KALRN: variants seen among roughly 807,000 people sequenced by gnomAD.
KALRN encodes the protein kalirin.
Under a neutral mutation model 353.7 loss-of-function variants are expected in KALRN, and 70 were observed. That is an observed-to-expected ratio of 0.20 (90% CI 0.16 to 0.24). The LOEUF is 0.24. Among genes scored for constraint, KALRN ranks in the 10% least tolerant of loss-of-function variants. The pLI is 1.00. For missense variants in KALRN, 2,791 were observed against 3,756.7 expected (o/e 0.74, Z 6.72); for synonymous variants, 1,391 against 1,434.8 (o/e 0.97, Z 0.69).
chr3:124,618,836 C>T (rs1229673271), intron 34 of KALRN, among the ~76,000 whole-genome samples: 1 of 152,166 alleles, frequency 6.6e-6, no homozygotes, highest in African/African-American at 2.4e-5. Flanking sequence ...AGATGACCCT[C>T]CTTGTTGTGC....
At chr3:124,487,892 G>T (rs969411743) in intron 28 of KALRN, among the ~76,000 whole-genome samples, 1 of 152,120 alleles carries the variant, frequency 6.6e-6, no homozygotes, top group African/African-American at 2.4e-5. Context: ...GCTTTGCCAG[G>T]GTAGTCCCTT....
Position 124,385,023 on chromosome 3 carries a change from C to T in KALRN, c.1949C>T (p.Thr650Ile), listed in dbSNP as rs141149712. The change falls in exon 11 of 60, where the codon ACA becomes ATA. Residue 650 changes from threonine to isoleucine, a missense_variant. Physicochemically the swap from Thr to Ile is moderately conservative, Grantham distance 89 (BLOSUM62 -1). This residue lies in a region of KALRN where 452 missense variants were observed against 575.8 expected (regional missense o/e 0.78). Coordinates refer to ENST00000682506, the MANE Select transcript of KALRN (RefSeq NM_001388419.1). ...CTGGACATGTCTGTTTCCTTCCACA[C>T]ACACACCAAAGAGGTAAGGGGAGCT... ...LLLDMSVSFH[T>I]HTKELWTWME... is the part of the protein sequence containing the mutation. The T allele has an allele frequency of 3.4e-4, 547 of 1,604,490 alleles. No homozygotes were observed. The highest frequency in any genetic ancestry group is 5.0e-4 in the Admixed American group (30 of 59,588).
At chr3:124,557,285 G>A (rs1043034931) in intron 33 of KALRN, among the ~76,000 whole-genome samples, 17 of 152,110 alleles carry the variant, frequency 1.1e-4, no homozygotes, top group Non-Finnish European at 2.9e-5. Context: ...TGATGTTATT[G>A]TTGTAAAATT....
chr3:124,358,664 T>C (rs2083682587), intron 10 of KALRN, among the ~76,000 whole-genome samples: 1 of 152,230 alleles, frequency 6.6e-6, no homozygotes, highest in Non-Finnish European at 1.5e-5. Context: ...TACTGAGTAC[T>C]TTCTGTGTGC....
intron 1 of KALRN, chr3:124,152,069 T>C: frequency 7.6e-7 from 1 of 1,322,988 alleles, no homozygotes. Flanking sequence ...AGAAGATAAT[T>C]TAAAGGGCCA....
chr3:124,640,339 T>TGCAGCG (rs542356149), intron 37 of KALRN, among the ~76,000 whole-genome samples: 83 of 144,732 alleles, frequency 5.7e-4, no homozygotes, highest in African/African-American at 2.0e-3. Context: ...CAGGCTGGAG[T>TGCAGCG]GCAGCGGCAT....
rs2063415182 is a variant in KALRN, at chr3:124,726,077, G to A, written c.*6607G>A. 1.3e-5 allele frequency: 2 copies of A among 152,048 alleles called. No individual in the cohort carries two copies. 9.4% of individuals were successfully genotyped at this position (152,048 alleles called of 1,614,324 possible). A position where few individuals can be genotyped will look rare whatever the true frequency, so the allele number is the denominator to read the frequency against. On this transcript the variant is annotated 3_prime_UTR_variant, in exon 60 of 60. Transcript: ENST00000682506. ...GGTCTGCCTTAAGTGTATCTTCTGG[G>A]TTTTTGGTTATTTTATTATTTTTAA...
chr3:124,598,746 G>C (rs536867583), intron 34 of KALRN, among the ~76,000 whole-genome samples: 6 of 152,162 alleles, frequency 3.9e-5, no homozygotes, highest in African/African-American at 1.4e-4. Flanking sequence ...GCTCAATCTC[G>C]GCTCACTGCA....
chr3:124,587,196 A>G (rs1370597649), intron 34 of KALRN, among the ~76,000 whole-genome samples: 2 of 152,102 alleles, frequency 1.3e-5, no homozygotes, highest in African/African-American at 4.8e-5. Context: ...GGAAAATACA[A>G]TGGAAAGGCA....
intron 10 of KALRN, among the ~76,000 whole-genome samples, chr3:124,380,724 C>G (rs1047083560): frequency 2.0e-5 from 3 of 152,108 alleles, no homozygotes; most frequent in African/African-American, 7.2e-5. Flanking sequence ...GATCCTTGCC[C>G]CAATTTGGGG....
intron 1 of KALRN, among the ~76,000 whole-genome samples, chr3:124,100,159 G>A (rs991137126): frequency 1.2e-4 from 19 of 152,150 alleles, no homozygotes; most frequent in African/African-American, 4.3e-4. Flanking sequence ...ACGAGACTCA[G>A]TCTCAAAAAA....
At chr3:124,530,234 C>T (rs193068053) in intron 33 of KALRN, among the ~76,000 whole-genome samples, 11 of 152,178 alleles carry the variant, frequency 7.2e-5, no homozygotes, top group African/African-American at 2.6e-4. Context: ...TCATATAGTC[C>T]ATTTGGGAGA....
At chr3:124,328,307 A>G (rs2080134196) in intron 7 of KALRN, among the ~76,000 whole-genome samples, 1 of 152,222 alleles carries the variant, frequency 6.6e-6, no homozygotes, top group Admixed American at 6.5e-5. Context: ...CTTCAACCTT[A>G]TCACTTACAT....
intron 10 of KALRN, among the ~76,000 whole-genome samples, chr3:124,368,136 G>T (rs1317587077): frequency 1.2e-5 from 1 of 83,074 alleles, no homozygotes; most frequent in Non-Finnish European, 2.4e-5. Flanking sequence ...GGCCAGGCGG[G>T]GGGCTGACCC....
chr3:124,158,735 C>T (rs79535451), intron 1 of KALRN, among the ~76,000 whole-genome samples: 2,238 of 152,274 alleles, frequency 0.015, 22 homozygotes, highest in Middle Eastern at 0.024. Context: ...CAGAGTCTGA[C>T]GGAAGATTAC....
Position 124,243,732 on chromosome 3 carries a change from C to T in KALRN, c.263+8789C>T, listed in dbSNP as rs552704138. Among the ~76,000 whole-genome samples the T allele has an allele frequency of 5.3e-5, 8 of 152,216 alleles. No homozygotes were observed. In the East Asian group the frequency reaches 9.7e-4, roughly 18 times the overall value. On this transcript the variant is annotated intron_variant, in intron 3 of 59. Transcript: ENST00000682506. ...ATCCTCCCCTCTGGGAGGTGAAATG[C>T]GCATGCTTGCTAAAAATTTTCTTAC... is the stretch of plus-strand genomic sequence containing the variant.
In KALRN at chr3:124,273,307, C is replaced by T. The variant is rs568865669; in HGVS notation, c.969+4052C>T. On this transcript the variant is annotated intron_variant, in intron 5 of 59. Transcript: ENST00000682506. ...TCTGTTCCACAGATAATTCATAAAGCAAGTCACTCATTCATTTAATAATCA... is the reference window on the plus strand; with the variant it reads ...TCTGTTCCACAGATAATTCATAAAGTAAGTCACTCATTCATTTAATAATCA... 2.0e-5 allele frequency among the ~76,000 whole-genome samples: 3 copies of T among 152,296 alleles called. No homozygotes were observed. In the South Asian group the frequency reaches 6.2e-4, roughly 32 times the overall value.
chr3:124,045,597 A>G (rs111457075), intron 1 of KALRN, among the ~76,000 whole-genome samples: 6 of 152,320 alleles, frequency 3.9e-5, no homozygotes, highest in African/African-American at 1.2e-4. Context: ...ATTTTAGCAT[A>G]GTACTGATTT....
At chr3:124,430,902 C>T in intron 16 of KALRN, 127 bp downstream of exon 16, 1 of 1,170,406 alleles carries the variant, frequency 8.5e-7, no homozygotes, top group East Asian at 2.7e-5. Flanking sequence ...TAGAATGGTC[C>T]AGGGAGCCTT....
Sources: allele counts gnomAD v4.1 joint callset (sites outside exome capture counted in the v4.1 genomes callset), GRCh38; gene constraint gnomAD v4.1.1; regional missense constraint gnomAD v4.1.1; transcripts MANE v1.5; gene names NCBI Gene and HGNC (gene_info 2026-07-23, HGNC 2026-07-21).